Variants in CHRM3 observed in about 807,000 individuals in gnomAD.
CHRM3 encodes the protein cholinergic receptor muscarinic 3.
Under a neutral mutation model 41.8 loss-of-function variants are expected in CHRM3, and 11 were observed. The observed-to-expected ratio is 0.26, with a 90% CI of 0.17 to 0.44. CHRM3 has a LOEUF of 0.44. Ranked by LOEUF, CHRM3 falls within the 20% of genes least tolerant of loss-of-function variation. The pLI, the probability that CHRM3 is intolerant of heterozygous loss-of-function variation, is 1.00. For synonymous variants in CHRM3, 297 were observed against 301.4 expected, an observed-to-expected ratio of 0.99 and a Z score of 0.15; for missense variants, 571 against 745.4, an observed-to-expected ratio of 0.77 and a Z score of 2.72.
At position 239,656,492 on chromosome 1, in the gene CHRM3, A is replaced by C. The variant is rs78417292; in HGVS notation, c.-249-21694A>C. ...AAGAAAAAAGAAAAAAGAAAAAAAA[A>C]GTAGCTGGTGTGGTGATATGCATCT... On this transcript the variant is annotated intron_variant, in intron 4 of 6. Transcript: ENST00000676153. Among the ~76,000 whole-genome samples the C allele has an allele frequency of 7.9e-3, 1,193 of 151,844 alleles. 130 individuals are homozygous for C. In the East Asian group the frequency reaches 0.19, roughly 25 times the overall value.
chr1:239,746,386 A>G (rs1162236337), intron 5 of CHRM3, among the ~76,000 whole-genome samples: 1 of 152,214 alleles, frequency 6.6e-6, no homozygotes, highest in Non-Finnish European at 1.5e-5. Context: ...AAGTGAAAAA[A>G]CTGAAGCTCA....
intron 6 of CHRM3, chr1:239,886,612 C>T (rs905378996): frequency 6.6e-6 from 1 of 152,136 alleles, no homozygotes; most frequent in Non-Finnish European, 1.5e-5. Flanking sequence ...CATCGATTTC[C>T]ATATGTTTGC....
intron 2 of CHRM3, among the ~76,000 whole-genome samples, chr1:239,498,173 C>G (rs1188067802): frequency 6.6e-6 from 1 of 152,058 alleles, no homozygotes; most frequent in Non-Finnish European, 1.5e-5. Context: ...TTGCTTTATT[C>G]AACTTTTTGT....
At chr1:239,399,705 T>C (rs975258297) in intron 1 of CHRM3, among the ~76,000 whole-genome samples, 3 of 152,220 alleles carry the variant, frequency 2.0e-5, no homozygotes, top group African/African-American at 7.2e-5. Flanking sequence ...GAATGGTATC[T>C]ATTGTGTATA....
intron 3 of CHRM3, among the ~76,000 whole-genome samples, chr1:239,617,453 G>A (rs1558381270): frequency 6.6e-6 from 1 of 152,118 alleles, no homozygotes; most frequent in Non-Finnish European, 1.5e-5. Context: ...GGCCAGGCGT[G>A]GGAGCTCACA....
At chr1:239,749,394 A>C (rs1208590419) in intron 5 of CHRM3, among the ~76,000 whole-genome samples, 1 of 152,106 alleles carries the variant, frequency 6.6e-6, no homozygotes, top group Non-Finnish European at 1.5e-5. Context: ...TAGGTTGGGC[A>C]CGAGTGGCTC....
chr1:239,622,946 C>T, intron 3 of CHRM3, among the ~76,000 whole-genome samples: 1 of 152,014 alleles, frequency 6.6e-6, no homozygotes, highest in African/African-American at 2.4e-5. Context: ...ATCACTGCAG[C>T]AAACTTCATT....
rs796069841 is a variant in CHRM3 at position 239,902,019 on chromosome 1, A to AGTATACCAT, written c.-19-5412_-19-5404dup. On this transcript the variant is annotated intron_variant, in intron 6 of 6. Coordinates refer to ENST00000676153, the MANE Select transcript of CHRM3 (RefSeq NM_001375978.1). ...TTCTTATTTTCCTAGTGTGTAGGTC[A>AGTATACCAT]GTATACCATGCATTGATGCTCAGAA... 5.8e-4 allele frequency among the ~76,000 whole-genome samples: 89 copies of AGTATACCAT among 152,152 alleles called. 1 individual carries two copies. Among genetic ancestry groups the AGTATACCAT allele is most frequent in the African/African-American group, 2.1e-3 (86 of 41,502 alleles).
intron 2 of CHRM3, among the ~76,000 whole-genome samples, chr1:239,537,611 G>C (rs559564102): frequency 3.9e-5 from 6 of 152,226 alleles, no homozygotes; most frequent in African/African-American, 1.2e-4. Flanking sequence ...GTAAGGTTCA[G>C]AATTGAATTC....
At chr1:239,674,024 G>A (rs1056151852) in intron 4 of CHRM3, among the ~76,000 whole-genome samples, 1 of 152,044 alleles carries the variant, frequency 6.6e-6, no homozygotes, top group Admixed American at 6.5e-5. Flanking sequence ...GGATTTTTCG[G>A]TTAGGAATGC....
intron 5 of CHRM3, among the ~76,000 whole-genome samples, chr1:239,740,903 A>G (rs1422472641): frequency 6.6e-6 from 1 of 152,146 alleles, no homozygotes; most frequent in Non-Finnish European, 1.5e-5. Context: ...GTGAGGGTGA[A>G]GGTTAAATTT....
At chr1:239,720,501 CG>C (rs1662858653) in intron 5 of CHRM3, among the ~76,000 whole-genome samples, 1 of 151,896 alleles carries the variant, frequency 6.6e-6, no homozygotes, top group Non-Finnish European at 1.5e-5. Context: ...TGCCACTCAA[CG>C]CCAGACTTTT....
rs184311030 is a variant in CHRM3, at chr1:239,472,595, A to C, written c.-520-20114A>C. On this transcript the variant is annotated intron_variant, in intron 1 of 6. Coordinates refer to ENST00000676153, the MANE Select transcript of CHRM3 (RefSeq NM_001375978.1). The stretch of plus-strand genomic sequence containing the variant: ...TTGCAGGGACATGAATGGAGCTAGA[A>C]GCCATTGTCCTCAGCAAACTAATGC... Among the ~76,000 whole-genome samples, 131 of 152,330 alleles carry C rather than the reference A, an allele frequency of 8.6e-4. No individual in the cohort carries two copies. In the Middle Eastern group the frequency reaches 0.017, roughly 20 times the overall value.
At chr1:239,673,632 T>C (rs1378560134) in intron 4 of CHRM3, among the ~76,000 whole-genome samples, 1 of 152,168 alleles carries the variant, frequency 6.6e-6, no homozygotes. Context: ...TATTTATAAT[T>C]ACTCTGCCCT....
chr1:239,730,624 A>G (rs560065226), intron 5 of CHRM3, among the ~76,000 whole-genome samples: 57 of 152,092 alleles, frequency 3.7e-4, no homozygotes, highest in African/African-American at 1.3e-3. Flanking sequence ...TGATAAGAGA[A>G]CAAGCCATGT....
intron 3 of CHRM3, among the ~76,000 whole-genome samples, chr1:239,631,864 C>G (rs1669873341): frequency 6.6e-6 from 1 of 152,208 alleles, no homozygotes. Context: ...GAAAGGCAAT[C>G]ATCACTTACA....
Position 239,615,644 on chromosome 1 carries a change from T to A in CHRM3, c.-312-16580T>A, listed in dbSNP as rs1667548231. ...AAATATCTTAAGTGACAAAGAAGAA[T>A]GTTACTACATCAATAATCCAGTGAT... On this transcript the variant is annotated intron_variant, in intron 3 of 6. Transcript: ENST00000676153. 2.6e-5 allele frequency among the ~76,000 whole-genome samples: 4 copies of A among 152,196 alleles called. No homozygotes were observed. In the South Asian group the frequency reaches 8.3e-4, roughly 32 times the overall value.
chr1:239,757,399 G>C (rs1391080646), intron 5 of CHRM3, among the ~76,000 whole-genome samples: 2 of 151,996 alleles, frequency 1.3e-5, no homozygotes, highest in African/African-American at 4.8e-5. Context: ...GAGGCCCAGT[G>C]CTGGGCACAT....
intron 4 of CHRM3, among the ~76,000 whole-genome samples, chr1:239,673,491 CTATT>C (rs961689730): frequency 9.9e-5 from 15 of 152,068 alleles, no homozygotes; most frequent in Non-Finnish European, 1.3e-4. Flanking sequence ...ATGCTGGAAA[CTATT>C]TAACCATGCA....
Sources: allele counts gnomAD v4.1 joint callset (sites outside exome capture counted in the v4.1 genomes callset), GRCh38; gene constraint gnomAD v4.1.1; transcripts MANE v1.5; gene names NCBI Gene and HGNC (gene_info 2026-07-23, HGNC 2026-07-21).